The following ACSS3 variants were observed in gnomAD, a reference collection of about 807,000 sequenced individuals.
ACSS3 encodes acyl-CoA synthetase short-chain family member 3, mitochondrial.
In ACSS3, 64 loss-of-function variants were observed where a neutral mutation model predicts 84.2. That is an observed-to-expected ratio of 0.76 (90% confidence interval 0.62 to 0.94). ACSS3 has a LOEUF of 0.94. ACSS3 is among the 40% of genes least tolerant of loss of function. The pLI, the probability that ACSS3 is intolerant of heterozygous loss-of-function variation, is 0.00. For missense variants in ACSS3, 815 were observed against 867.6 expected, an observed-to-expected ratio of 0.94 and a Z score of 0.76; for synonymous variants, 317 against 310.1, an observed-to-expected ratio of 1.02 and a Z score of -0.23.
intron 13 of ACSS3, among the ~76,000 whole-genome samples, chr12:81,243,817 T>C (rs530532358): frequency 2.8e-4 from 42 of 152,292 alleles, no homozygotes; most frequent in Admixed American, 9.2e-4. Context: ...CATATACACA[T>C]GCGCATATAC....
At chr12:81,119,101 G>T (rs1884326911) in intron 2 of ACSS3, among the ~76,000 whole-genome samples, 1 of 152,116 alleles carries the variant, frequency 6.6e-6, no homozygotes, top group Non-Finnish European at 1.5e-5. Context: ...GCTGCTGGGG[G>T]TGACATCACA....
chr12:81,193,997 G>A (rs2135880838), intron 8 of ACSS3, among the ~76,000 whole-genome samples: 1 of 151,594 alleles, frequency 6.6e-6, no homozygotes, highest in South Asian at 2.1e-4. Context: ...TTCTACGGTA[G>A]GCATTTATTC....
At chr12:81,248,580 A>G (rs2034056103) in intron 13 of ACSS3, among the ~76,000 whole-genome samples, 1 of 152,008 alleles carries the variant, frequency 6.6e-6, no homozygotes, top group African/African-American at 2.4e-5. Flanking sequence ...AAAGGACATG[A>G]AAAGAGATCG....
intron 7 of ACSS3, among the ~76,000 whole-genome samples, chr12:81,170,509 C>G (rs1045595774): frequency 6.6e-6 from 1 of 152,106 alleles, no homozygotes; most frequent in African/African-American, 2.4e-5. Context: ...TCATTGTAGA[C>G]ATCCCTTTCT....
intron 1 of ACSS3, among the ~76,000 whole-genome samples, chr12:81,097,330 A>C (rs1306915524): frequency 6.6e-6 from 1 of 152,234 alleles, no homozygotes; most frequent in East Asian, 1.9e-4. Flanking sequence ...CAGAGAATAC[A>C]CATAAATCAG....
rs756060385 is a variant in ACSS3 at position 81,259,677 on chromosome 12, A to G, written c.*4755A>G. 3 of 1,533,256 alleles carry G rather than the reference A, an allele frequency of 2.0e-6. No individual in the cohort carries two copies. Among genetic ancestry groups the G allele is most frequent in the Middle Eastern group, 1.7e-4 (1 of 5,996 alleles). 95.0% of individuals were successfully genotyped at this position (1,533,256 alleles called of 1,614,324 possible). A position where few individuals can be genotyped will look rare whatever the true frequency, so the allele number is the denominator to read the frequency against. ...AGACGCCATCTAAAATATACAATGGATAGCATTAGTTCACTGAAAAGTCCC... is the reference window on the plus strand; with the variant it reads ...AGACGCCATCTAAAATATACAATGGGTAGCATTAGTTCACTGAAAAGTCCC... On this transcript the variant is annotated 3_prime_UTR_variant, in exon 16 of 16. Coordinates refer to ENST00000548058, the MANE Select transcript of ACSS3 (RefSeq NM_024560.4).
At chr12:81,135,365 A>G (rs1307730078) in intron 3 of ACSS3, among the ~76,000 whole-genome samples, 2 of 141,828 alleles carry the variant, frequency 1.4e-5, no homozygotes, top group Middle Eastern at 3.3e-3. Flanking sequence ...TATAATATAT[A>G]TCACATTATA....
At chr12:81,214,492 A>G (rs1407346808) in intron 9 of ACSS3, among the ~76,000 whole-genome samples, 1 of 152,230 alleles carries the variant, frequency 6.6e-6, no homozygotes, top group Non-Finnish European at 1.5e-5. Context: ...TTAATTATAT[A>G]GAAAAATAAG....
intron 8 of ACSS3, among the ~76,000 whole-genome samples, chr12:81,181,400 A>G (rs144321680): frequency 2.5e-3 from 382 of 152,266 alleles, no homozygotes; most frequent in African/African-American, 9.0e-3. Flanking sequence ...GTTTTTCCCT[A>G]TGAAAGTCAT....
At chr12:81,198,653 A>G (rs1008921352) in intron 8 of ACSS3, among the ~76,000 whole-genome samples, 2 of 151,482 alleles carry the variant, frequency 1.3e-5, no homozygotes, top group African/African-American at 2.4e-5. Context: ...GGTCAACACA[A>G]TTGTATTTTC....
chr12:81,171,824 C>T (rs1426200642), intron 7 of ACSS3, among the ~76,000 whole-genome samples: 3 of 152,116 alleles, frequency 2.0e-5, no homozygotes, highest in Non-Finnish European at 4.4e-5. Flanking sequence ...TATACTTACA[C>T]AAACCTAGTG....
chr12:81,205,481 C>T (rs929464840), intron 9 of ACSS3, among the ~76,000 whole-genome samples: 1 of 151,946 alleles, frequency 6.6e-6, no homozygotes, highest in African/African-American at 2.4e-5. Context: ...AAATCAAAAC[C>T]ACAAAATAGA....
chr12:81,118,624 T>C (rs969178336), intron 2 of ACSS3, among the ~76,000 whole-genome samples: 3 of 152,180 alleles, frequency 2.0e-5, no homozygotes, highest in Non-Finnish European at 2.9e-5. Context: ...TATCAGATCT[T>C]ACATGTAAAT....
chr12:81,249,034 T>C (rs1342866158), intron 13 of ACSS3, among the ~76,000 whole-genome samples: 1 of 152,024 alleles, frequency 6.6e-6, no homozygotes, highest in Non-Finnish European at 1.5e-5. Flanking sequence ...ACAGTATCCT[T>C]GCAGATCCAA....
intron 13 of ACSS3, among the ~76,000 whole-genome samples, chr12:81,242,413 A>G (rs1200082869): frequency 4.0e-5 from 6 of 151,208 alleles, no homozygotes; most frequent in East Asian, 1.9e-4. Context: ...ATTCACAGCC[A>G]AATTCTACCA....
intron 7 of ACSS3, among the ~76,000 whole-genome samples, chr12:81,172,201 G>A (rs2135812856): frequency 7.1e-6 from 1 of 140,306 alleles, no homozygotes; most frequent in Middle Eastern, 4.0e-3. Context: ...GGGAGGCAGA[G>A]GTTGCAGTGA....
At chr12:81,247,723 C>T (rs2034028538) in intron 13 of ACSS3, among the ~76,000 whole-genome samples, 1 of 152,008 alleles carries the variant, frequency 6.6e-6, no homozygotes, top group Admixed American at 6.6e-5. Flanking sequence ...TTTATACTGA[C>T]TTTTTACTAG....
chr12:81,142,943 G>T (rs890524378), intron 4 of ACSS3, among the ~76,000 whole-genome samples, 164 bp from the exon 5 acceptor site: 2 of 152,122 alleles, frequency 1.3e-5, no homozygotes, highest in African/African-American at 4.8e-5. Context: ...AAACATTTAT[G>T]TTAAATCATG....
At chr12:81,182,197 G>A (rs959179040) in intron 8 of ACSS3, among the ~76,000 whole-genome samples, 4 of 152,174 alleles carry the variant, frequency 2.6e-5, no homozygotes, top group African/African-American at 7.2e-5. Flanking sequence ...TAGAACATTA[G>A]CAGATTTCTC....
Sources: allele counts gnomAD v4.1 joint callset (sites outside exome capture counted in the v4.1 genomes callset), GRCh38; gene constraint gnomAD v4.1.1; transcripts MANE v1.5; gene names NCBI Gene and HGNC (gene_info 2026-07-23, HGNC 2026-07-21).